The following USP9Y variants were observed in gnomAD, a reference collection of about 807,000 sequenced individuals.
USP9Y encodes the protein ubiquitin carboxyl-terminal hydrolase 9Y.
USP9Y carries 41 observed loss-of-function variants against 53.1 expected under a neutral mutation model. That is an observed-to-expected ratio of 0.77 (90% CI 0.60 to 1.00). USP9Y has a LOEUF of 1.00. USP9Y is among the 50% of genes least tolerant of loss of function. The probability of loss-of-function intolerance (pLI) is 0.00; values close to 1 mark genes in which losing one functional copy is unlikely to be tolerated. For missense variants in USP9Y, 567 were observed against 535.8 expected (o/e 1.06, Z -0.58); for synonymous variants, 220 against 173.7 (o/e 1.27, Z -2.09).
chrY:12,835,642 A>G, intron 34 of USP9Y, among the ~76,000 whole-genome samples: 1 of 32,603 alleles, frequency 3.1e-5, no homozygotes, highest in African/African-American at 1.2e-4. Context: ...GTAAAACCCC[A>G]TTTCTACTAA....
intron 5 of USP9Y, among the ~76,000 whole-genome samples, chrY:12,723,377 A>T (rs2053437679): frequency 2.6e-3 from 75 of 28,419 alleles, no homozygotes; most frequent in Non-Finnish European, 5.3e-3. Context: ...TTATTTTATT[A>T]TATTTTATTT....
chrY:12,810,640 T>C (rs369980753), intron 28 of USP9Y, 32 bp from the exon 29 acceptor site: 5 of 385,757 alleles, frequency 1.3e-5, no homozygotes, highest in African/African-American at 1.3e-4. Flanking sequence ...TGTAGACTTG[T>C]GAATTCATGT....
chrY:12,852,507 C>T, intron 42 of USP9Y, among the ~76,000 whole-genome samples: 1 of 33,434 alleles, frequency 3.0e-5, no homozygotes, highest in Non-Finnish European at 7.4e-5. Flanking sequence ...CTTCTGAAGC[C>T]TACCTCTGTC....
chrY:12,822,307 T>C (rs2053542298), intron 33 of USP9Y, among the ~76,000 whole-genome samples: 1 of 33,169 alleles, frequency 3.0e-5, no homozygotes, highest in Non-Finnish European at 7.4e-5. Flanking sequence ...AGAAATATTT[T>C]CTCCCATCTG....
intron 6 of USP9Y, among the ~76,000 whole-genome samples, chrY:12,725,481 T>C: frequency 6.0e-5 from 2 of 33,470 alleles, no homozygotes; most frequent in African/African-American, 1.2e-4. Context: ...AAATGCAAGA[T>C]AGTATTGATT....
chrY:12,707,496 A>C, intron 1 of USP9Y, among the ~76,000 whole-genome samples: 1 of 33,934 alleles, frequency 2.9e-5, no homozygotes, highest in Non-Finnish European at 7.3e-5. Flanking sequence ...GGATTTGCTG[A>C]GTGAAATTAA....
At position 12,838,067 on chromosome Y, in the gene USP9Y, T is replaced by C; in HGVS notation, c.5337+15T>C. ...GTGATAAAAAGGTATTTTTTTTTAC[T>C]TTTGAAAAATAATGATTGCATTGAA... On this transcript the variant is annotated intron_variant, in intron 35 of 45. Transcript: ENST00000338981. 2.9e-6 allele frequency: 1 copy of C among 350,683 alleles called. No individual in the cohort carries two copies. Among genetic ancestry groups the C allele is most frequent in the Non-Finnish European group, 4.1e-6 (1 of 243,009 alleles). 87.5% of individuals were successfully genotyped at this position (350,683 alleles called of 400,897 possible). A position where few individuals can be genotyped will look rare whatever the true frequency, so the allele number is the denominator to read the frequency against.
At position 12,771,094 on chromosome Y, in the gene USP9Y, G is replaced by A. The variant is rs774662166; in HGVS notation, c.1927G>A (p.Val643Met). Residue 643 changes from valine to methionine, a missense_variant, in exon 16 of 46, where the codon GTG (valine) becomes ATG (methionine). By Grantham distance (21) the Val-to-Met change is conservative (BLOSUM62 1). Transcript: ENST00000338981. ...GDHEDYDPQT[V>M]RLGSRYSHVQ... is the part of the protein sequence containing the mutation. ...TCATGAAGACTATGATCCACAAACA[G>A]TGAGGCTTGGAAGTCGATACAGTCA... The A allele has an allele frequency of 1.0e-5, 4 of 397,219 alleles. No homozygotes were observed. Among genetic ancestry groups the A allele is most frequent in the Non-Finnish European group, 1.4e-5 (4 of 282,373 alleles).
At chrY:12,735,544 A>G in intron 7 of USP9Y, 68 bp from the exon 8 acceptor site, 1 of 203,683 alleles carries the variant, frequency 4.9e-6, no homozygotes, top group Non-Finnish European at 8.4e-6. Context: ...CTTCACACAA[A>G]TGCGTTTCAA....
chrY:12,729,487 C>G (rs2053445556), intron 7 of USP9Y, among the ~76,000 whole-genome samples: 2 of 32,685 alleles, frequency 6.1e-5, no homozygotes, highest in African/African-American at 1.2e-4. Flanking sequence ...TTCACCCAGG[C>G]TAGAGTGCAG....
At position 12,856,490 on chromosome Y, in the gene USP9Y, C is replaced by G; in HGVS notation, c.7215C>G (p.Ile2405Met). 2.5e-6 allele frequency: 1 copy of G among 396,623 alleles called. No individual in the cohort carries two copies. The highest frequency in any genetic ancestry group is 3.5e-6 in the Non-Finnish European group (1 of 282,839). ...GCAGTTGTCCTGTTGCTTACCAGAT[C>G]TTACAGGTGAGGGTTTTTCTCTTAT... ...LFSSCPVAYQ[I>M]LQGNGDLKRK... Residue 2405 changes from isoleucine to methionine, a missense_variant, in exon 43 of 46, where the codon ATC (isoleucine) becomes ATG (methionine). Coordinates refer to ENST00000338981, the MANE Select transcript of USP9Y (RefSeq NM_004654.4).
At chrY:12,817,307 T>G (rs2053537441) in intron 32 of USP9Y, among the ~76,000 whole-genome samples, 1 of 34,232 alleles carries the variant, frequency 2.9e-5, no homozygotes, top group South Asian at 6.3e-4. Flanking sequence ...TGTTTATCTT[T>G]TACTTTTTTG....
In USP9Y at chrY:12,725,154, G is replaced by T; in HGVS notation, c.367G>T (p.Asp123Tyr). 2 of 397,725 alleles carry T rather than the reference G, an allele frequency of 5.0e-6. No homozygotes were observed. The change falls in exon 6 of 46, where the codon GAT becomes TAT. Residue 123 changes from aspartate to tyrosine, a missense_variant. By Grantham distance (160) the Asp-to-Tyr change is radical (BLOSUM62 -3). Transcript: ENST00000338981. ...KSEACQRFFRDGLTISFTKIL... is the reference protein window; with the variant it reads ...KSEACQRFFRYGLTISFTKIL... ...TGAAGCATGCCAACGTTTTTTTCGAGATGGACTAACAATATCTTTCACTAA... is the reference window on the plus strand; with the variant it reads ...TGAAGCATGCCAACGTTTTTTTCGATATGGACTAACAATATCTTTCACTAA...
chrY:12,739,984 G>C (rs780809209), intron 12 of USP9Y, among the ~76,000 whole-genome samples: 6 of 33,379 alleles, frequency 1.8e-4, no homozygotes, highest in African/African-American at 6.9e-4. Flanking sequence ...GTTCTATGGA[G>C]TTATGTATAT....
chrY:12,710,636 A>G (rs997029537), intron 3 of USP9Y, among the ~76,000 whole-genome samples: 32 of 33,203 alleles, frequency 9.6e-4, no homozygotes, highest in Admixed American at 5.6e-3. Context: ...ACCTCATAGA[A>G]TGGCCTAGAA....
At position 12,775,535 on chromosome Y, in the gene USP9Y, C is replaced by T; in HGVS notation, c.2396C>T (p.Thr799Ile). The change falls in exon 18 of 46, where the codon ACA becomes ATA. Residue 799 changes from threonine (T) to isoleucine (I), a missense_variant. Physicochemically the swap from Thr to Ile is moderately conservative, Grantham distance 89. Transcript: ENST00000338981. ...RAIDLLKEIY[T>I]NLGPRLKANQ... is the part of the protein sequence containing the mutation. ...ATAGATCTTCTTAAAGAGATATACA[C>T]AAACCTTGGCCCAAGATTAAAAGCC... 1 of 392,997 alleles carries T rather than the reference C, an allele frequency of 2.5e-6. No individual in the cohort carries two copies. The highest frequency in any genetic ancestry group is 7.5e-5 in the Admixed American group (1 of 13,247).
At chrY:12,758,904 A>T in intron 14 of USP9Y, among the ~76,000 whole-genome samples, 2 of 33,660 alleles carry the variant, frequency 5.9e-5, no homozygotes, top group African/African-American at 2.3e-4. Flanking sequence ...TTAGTTCAGA[A>T]TTGTCTCTGA....
intron 8 of USP9Y, 41 bp downstream of exon 8, chrY:12,735,768 G>C: frequency 3.4e-6 from 1 of 295,080 alleles, no homozygotes; most frequent in Non-Finnish European, 5.1e-6. Flanking sequence ...TTTCATGTTT[G>C]TTCAAATAAT....
intron 12 of USP9Y, among the ~76,000 whole-genome samples, chrY:12,740,244 A>T: frequency 3.0e-5 from 1 of 33,435 alleles, no homozygotes; most frequent in African/African-American, 1.2e-4. Flanking sequence ...GTAGATTCTT[A>T]CGTTCTATCA....
Sources: allele counts gnomAD v4.1 joint callset (sites outside exome capture counted in the v4.1 genomes callset), GRCh38; gene constraint gnomAD v4.1.1; transcripts MANE v1.5; gene names NCBI Gene and HGNC (gene_info 2026-07-23, HGNC 2026-07-21).